Variants in RBM17 observed in about 807,000 individuals in gnomAD.
RBM17 encodes the protein RNA binding motif protein 17, also known as splicing factor 45.
In RBM17, 7 loss-of-function variants were observed where a neutral mutation model predicts 53.2. The ratio of observed to expected loss-of-function variants is 0.13; its 90% confidence interval spans 0.07 to 0.25. The LOEUF (loss-of-function observed/expected upper bound fraction) is 0.25, where lower values mean the gene tolerates loss of function less well. Among genes scored for constraint, RBM17 ranks in the 10% least tolerant of loss-of-function variants. The probability of loss-of-function intolerance (pLI) is 1.00; values close to 1 mark genes in which losing one functional copy is unlikely to be tolerated. For missense variants in RBM17, 257 were observed against 496.7 expected, an observed-to-expected ratio of 0.52 and a Z score of 4.59; for synonymous variants, 167 against 178.1, an observed-to-expected ratio of 0.94 and a Z score of 0.50.
intron 5 of RBM17, 54 bp downstream of exon 5, chr10:6,106,292 C>G: frequency 8.7e-7 from 1 of 1,154,312 alleles, no homozygotes; most frequent in Middle Eastern, 1.9e-4. Context: ...AAGTGCAATT[C>G]CACTATGTGC....
At chr10:6,096,929 G>GCCTCT in intron 1 of RBM17, 119 bp from the exon 2 acceptor site, 1 of 763,178 alleles carries the variant, frequency 1.3e-6, no homozygotes, top group South Asian at 1.8e-5. Context: ...AGGAGCCTGG[G>GCCTCT]CCTCTGTTGC....
chr10:6,105,705 A>G (rs1840738778), intron 4 of RBM17, among the ~76,000 whole-genome samples: 1 of 152,238 alleles, frequency 6.6e-6, no homozygotes, highest in Non-Finnish European at 1.5e-5. Context: ...TACGAGTAGT[A>G]GGATGTATTT....
chr10:6,106,523 C>T (rs1840750481), intron 5 of RBM17: 1 of 275,280 alleles, frequency 3.6e-6, no homozygotes, highest in South Asian at 4.9e-5. Context: ...GCAGCACAGT[C>T]CAGTTGGCCG....
At chr10:6,093,305 C>T (rs1253886543) in intron 1 of RBM17, among the ~76,000 whole-genome samples, 2 of 152,274 alleles carry the variant, frequency 1.3e-5, no homozygotes, top group African/African-American at 4.8e-5. Context: ...CCTCCGCCTC[C>T]CGGGTTCAAG....
At chr10:6,097,307 C>A in intron 2 of RBM17, 119 bp downstream of exon 2, 3 of 1,013,354 alleles carry the variant, frequency 3.0e-6, no homozygotes, top group Non-Finnish European at 3.0e-6. Flanking sequence ...TGGTGTTAAG[C>A]ATTTGTAGGG....
chr10:6,094,105 G>C (rs1297868453), intron 1 of RBM17, among the ~76,000 whole-genome samples: 1 of 151,582 alleles, frequency 6.6e-6, no homozygotes, highest in Non-Finnish European at 1.5e-5. Flanking sequence ...CTCCTGAGTA[G>C]CTGGGACTAC....
In RBM17 at chr10:6,089,771, CTT is replaced by C. The variant is rs1840453910; in HGVS notation, c.-19+580_-19+581del. 1 of 152,410 alleles carries C rather than the reference CTT, an allele frequency of 6.6e-6. No individual in the cohort carries two copies. The highest frequency in any genetic ancestry group is 1.5e-5 in the Non-Finnish European group (1 of 68,106). 9.4% of individuals were successfully genotyped at this position (152,410 alleles called of 1,614,324 possible). ...GCGCTCACGTCCGACCCCAGGCAGT[CTT>C]TGAGCTTCGCCTCTTGCCCCGAGAA... is the stretch of plus-strand genomic sequence containing the variant. On this transcript the variant is annotated intron_variant, in intron 1 of 11. Coordinates refer to ENST00000379888, the MANE Select transcript of RBM17 (RefSeq NM_032905.5). This position sits in a 1 kb window ranked among gnomAD's most constrained non-coding sequence, Gnocchi z 5.6.
At position 6,109,118 on chromosome 10, in the gene RBM17, A is replaced by G. The variant is rs1340382675; in HGVS notation, c.562+376A>G. Reference sequence around the variant, plus strand: ...ATTCATGATCCTCCACAAGGTGGCAATGCCTTCCTTGATTAGATTTTTTCT... The same window carrying G: ...ATTCATGATCCTCCACAAGGTGGCAGTGCCTTCCTTGATTAGATTTTTTCT... On this transcript the variant is annotated intron_variant, in intron 6 of 11. Transcript: ENST00000379888. Among the ~76,000 whole-genome samples, 8 of 141,466 alleles carry G rather than the reference A, an allele frequency of 5.7e-5. No individual in the cohort carries two copies. In the South Asian group the frequency reaches 1.2e-3, roughly 21 times the overall value. The allele number at this position is 141,466 out of a possible 152,430, so 92.8% of individuals were successfully genotyped here.
chr10:6,113,942 G>A (rs921136694), intron 9 of RBM17, 107 bp from the exon 10 acceptor site: 29 of 717,674 alleles, frequency 4.0e-5, no homozygotes, highest in South Asian at 3.2e-4. Context: ...TCATTATGTC[G>A]TTTGGGATTG....
intron 1 of RBM17, among the ~76,000 whole-genome samples, chr10:6,093,680 C>T (rs1049831264): frequency 5.3e-5 from 8 of 152,164 alleles, no homozygotes; most frequent in Admixed American, 5.2e-4. Context: ...CGGTAAAGTT[C>T]TCAAGTTATA....
rs1278267346 is a variant in RBM17 at position 6,115,775 on chromosome 10, T to G, written c.*219T>G. On this transcript the variant is annotated 3_prime_UTR_variant, in exon 12 of 12. Transcript: ENST00000379888. Reference sequence around the variant, plus strand: ...ACAACAATCTGTGTGCCTCTCTGGTTGTTTCTCTTTTTTATTATTACTCCT... The same window carrying G: ...ACAACAATCTGTGTGCCTCTCTGGTGGTTTCTCTTTTTTATTATTACTCCT... 5.2e-5 allele frequency: 20 copies of G among 382,544 alleles called. No individual in the cohort carries two copies. Among genetic ancestry groups the G allele is most frequent in the East Asian group, 4.7e-4 (12 of 25,684 alleles). 23.7% of individuals were successfully genotyped at this position (382,544 alleles called of 1,614,324 possible). A position where few individuals can be genotyped will look rare whatever the true frequency, so the allele number is the denominator to read the frequency against.
At chr10:6,092,879 T>C (rs983350247) in intron 1 of RBM17, among the ~76,000 whole-genome samples, 5 of 152,234 alleles carry the variant, frequency 3.3e-5, no homozygotes, top group African/African-American at 1.2e-4. Flanking sequence ...TAAATGAGCA[T>C]GAGATTTGCT....
At position 6,112,111 on chromosome 10, in the gene RBM17, G is replaced by C; in HGVS notation, c.705-99G>C. 8.1e-7 allele frequency: 1 copy of C among 1,237,700 alleles called. No individual in the cohort carries two copies. Among genetic ancestry groups the C allele is most frequent in the Non-Finnish European group, 1.1e-6 (1 of 876,434 alleles). 76.7% of individuals were successfully genotyped at this position (1,237,700 alleles called of 1,614,324 possible). A position where few individuals can be genotyped will look rare whatever the true frequency, so the allele number is the denominator to read the frequency against. On this transcript the variant is annotated intron_variant, in intron 7 of 11. Transcript: ENST00000379888. The surrounding 1 kb of genome is among the most constrained non-coding windows in gnomAD (Gnocchi z 4.4). ...CTTTGTTGAAGCCCCTGTGGAGCATGCACTCTCTCCAGAAGGAGGTTGTTG... is the reference window on the plus strand; with the variant it reads ...CTTTGTTGAAGCCCCTGTGGAGCATCCACTCTCTCCAGAAGGAGGTTGTTG...
Position 6,116,520 on chromosome 10 carries a change from G to T in RBM17, c.*964G>T, listed in dbSNP as rs1840919992. 6.6e-6 allele frequency: 1 copy of T among 152,268 alleles called. No individual in the cohort carries two copies. The highest frequency in any genetic ancestry group is 1.5e-5 in the Non-Finnish European group (1 of 68,026). 9.4% of individuals were successfully genotyped at this position (152,268 alleles called of 1,614,324 possible). On this transcript the variant is annotated 3_prime_UTR_variant, in exon 12 of 12. Transcript: ENST00000379888. ...GATGTGTGGCTTAAAAATTTATCAG[G>T]ACCACAAAAAAGAAAACAAAAATAT...
chr10:6,090,887 TGGTAGATCTTATACTTGA>T (rs1166806226), intron 1 of RBM17, among the ~76,000 whole-genome samples: 10 of 150,918 alleles, frequency 6.6e-5, no homozygotes, highest in Non-Finnish European at 1.2e-4. Context: ...TAGAAAGTCA[TGGTAGATCTTATACTTGA>T]GGTAGATGCT....
At chr10:6,107,829 T>C (rs1840776387) in intron 5 of RBM17, among the ~76,000 whole-genome samples, 4 of 152,182 alleles carry the variant, frequency 2.6e-5, no homozygotes. Flanking sequence ...AGCATGACTT[T>C]GTAATCAATT....
chr10:6,111,827 G>T (rs1428244318), intron 7 of RBM17, among the ~76,000 whole-genome samples: 3 of 152,118 alleles, frequency 2.0e-5, no homozygotes, highest in Non-Finnish European at 4.4e-5. Context: ...CATCTTCATT[G>T]TACGAAACTT....
intron 1 of RBM17, among the ~76,000 whole-genome samples, chr10:6,092,655 TGA>T (rs41295129): frequency 0.037 from 5,647 of 152,272 alleles, 173 homozygotes; most frequent in East Asian, 0.13. Context: ...TGTGAATGGA[TGA>T]GAGTGTGATG....
At chr10:6,094,138 C>T (rs1480115973) in intron 1 of RBM17, among the ~76,000 whole-genome samples, 1 of 152,034 alleles carries the variant, frequency 6.6e-6, no homozygotes, top group East Asian at 1.9e-4. Flanking sequence ...CCATGCCTGG[C>T]TAATTTTGTT....
Sources: allele counts gnomAD v4.1 joint callset (sites outside exome capture counted in the v4.1 genomes callset), GRCh38; gene constraint gnomAD v4.1.1; non-coding constraint Gnocchi (gnomAD v3.1); transcripts MANE v1.5; gene names NCBI Gene and HGNC (gene_info 2026-07-23, HGNC 2026-07-21).